The following RABL3 variants were observed in gnomAD, a reference collection of about 807,000 sequenced individuals.
RABL3 encodes RAB, member of RAS oncogene family like 3, also known as rab-like protein 3.
Under a neutral mutation model 31.8 loss-of-function variants are expected in RABL3, and 31 were observed. The ratio of observed to expected loss-of-function variants is 0.97; its 90% confidence interval spans 0.73 to 1.31. The LOEUF (loss-of-function observed/expected upper bound fraction) is 1.31, where lower values mean the gene tolerates loss of function less well. RABL3 is among the 40% of genes most tolerant of loss of function. The pLI is 0.00. For missense variants in RABL3, 263 were observed against 279.6 expected, an observed-to-expected ratio of 0.94 and a Z score of 0.42; for synonymous variants, 97 against 99.9, an observed-to-expected ratio of 0.97 and a Z score of 0.18.
chr3:120,703,346 T>A (rs1178972775), intron 4 of RABL3, among the ~76,000 whole-genome samples: 2 of 152,090 alleles, frequency 1.3e-5, no homozygotes, highest in Non-Finnish European at 2.9e-5. Context: ...CTAAACAGCC[T>A]ATGGGAAAAT....
At chr3:120,716,611 A>G (rs996760898) in intron 2 of RABL3, among the ~76,000 whole-genome samples, 1 of 151,692 alleles carries the variant, frequency 6.6e-6, no homozygotes, top group African/African-American at 2.4e-5. Flanking sequence ...AACTTAAAGT[A>G]TAATAATAAT....
At chr3:120,733,758 T>C (rs1055011074) in intron 1 of RABL3, among the ~76,000 whole-genome samples, 1 of 152,208 alleles carries the variant, frequency 6.6e-6, no homozygotes, top group Non-Finnish European at 1.5e-5. Flanking sequence ...GGATCCAGTT[T>C]CAGCTTTCTA....
intron 2 of RABL3, among the ~76,000 whole-genome samples, chr3:120,728,694 A>C (rs1269988050): frequency 6.6e-6 from 1 of 152,160 alleles, no homozygotes; most frequent in African/African-American, 2.4e-5. Flanking sequence ...CTAAAACTTA[A>C]AGTATAATAA....
At chr3:120,739,651 T>C (rs112082217) in intron 1 of RABL3, among the ~76,000 whole-genome samples, 10 of 152,326 alleles carry the variant, frequency 6.6e-5, no homozygotes, top group African/African-American at 2.4e-4. Flanking sequence ...TTTTTTTATA[T>C]AGAAACATTT....
chr3:120,708,134 A>T (rs1188456651), intron 3 of RABL3, among the ~76,000 whole-genome samples: 1 of 152,076 alleles, frequency 6.6e-6, no homozygotes, highest in East Asian at 1.9e-4. Flanking sequence ...TGGAATAAAG[A>T]ACTTTGAGTG....
chr3:120,689,083 C>T lies in RABL3; in HGVS notation c.*740G>A, dbSNP rs977354651. On this transcript the variant is annotated 3_prime_UTR_variant, in exon 8 of 8. Transcript: ENST00000273375. ...ACCCTACCTATTTCCAAACAGAAAA[C>T]CTAGACTGTATATAGCAGCAACCTT... 6.6e-6 allele frequency: 1 copy of T among 152,148 alleles called. No homozygotes were observed. Among genetic ancestry groups the T allele is most frequent in the African/African-American group, 2.4e-5 (1 of 41,442 alleles). The allele number at this position is 152,148 out of a possible 1,614,324, so 9.4% of individuals were successfully genotyped here.
chr3:120,725,966 A>C (rs1029553855), intron 2 of RABL3, among the ~76,000 whole-genome samples: 3 of 152,170 alleles, frequency 2.0e-5, no homozygotes, highest in Non-Finnish European at 4.4e-5. Flanking sequence ...TAAAGAAAAA[A>C]ACTAAATTAA....
chr3:120,714,614 T>C (rs1264456123), intron 2 of RABL3, among the ~76,000 whole-genome samples: 1 of 152,232 alleles, frequency 6.6e-6, no homozygotes, highest in East Asian at 1.9e-4. Context: ...TCTGTCTCTA[T>C]TTCCTCTCTG....
chr3:120,720,420 G>T (rs868573625), intron 2 of RABL3, among the ~76,000 whole-genome samples: 3 of 152,294 alleles, frequency 2.0e-5, no homozygotes, highest in Middle Eastern at 3.4e-3. Context: ...CCAAGGCAAA[G>T]AAGTTAAAAA....
At position 120,719,915 on chromosome 3, in the gene RABL3, C is replaced by A. The variant is rs144924461; in HGVS notation, c.139-10006G>T. Among the ~76,000 whole-genome samples the A allele has an allele frequency of 1.3e-4, 20 of 152,346 alleles. No homozygotes were observed. The East Asian group carries it at 3.9e-3, about 29-fold the overall frequency. On this transcript the variant is annotated intron_variant, in intron 2 of 7. Coordinates refer to ENST00000273375, the MANE Select transcript of RABL3 (RefSeq NM_173825.5). ...AAGTGGGTCCCTGACCCCCGAGTAG[C>A]CTAACTGAGAGACACCCCCCAGTAG...
chr3:120,695,922 C>T (rs546085353), intron 5 of RABL3, among the ~76,000 whole-genome samples: 1 of 152,214 alleles, frequency 6.6e-6, no homozygotes, highest in East Asian at 1.9e-4. Flanking sequence ...TAGAGAAACA[C>T]TATGATTTTT....
At position 120,694,097 on chromosome 3, in the gene RABL3, T is replaced by G. The variant is rs111569489; in HGVS notation, c.606+56A>C. The G allele has an allele frequency of 2.4e-3, 2,878 of 1,187,120 alleles. 55 individuals carry two copies. The African/African-American group carries it at 0.041, about 17-fold the overall frequency. The allele number at this position is 1,187,120 out of a possible 1,614,324, so 73.5% of individuals were successfully genotyped here. A position where few individuals can be genotyped will look rare whatever the true frequency, so the allele number is the denominator to read the frequency against. On this transcript the variant is annotated intron_variant, in intron 6 of 7. Transcript: ENST00000273375. Reference sequence around the variant, plus strand: ...GGTCATAGGATTCTACAAAAAAATTTTAAACTCTCATAATATATAAATTAA... The same window carrying G: ...GGTCATAGGATTCTACAAAAAAATTGTAAACTCTCATAATATATAAATTAA...
intron 2 of RABL3, among the ~76,000 whole-genome samples, chr3:120,719,461 G>T (rs775207117): frequency 6.6e-6 from 1 of 152,204 alleles, no homozygotes; most frequent in Non-Finnish European, 1.5e-5. Flanking sequence ...CAAGGGAAGC[G>T]GTGACAGATG....
At chr3:120,728,249 C>T (rs754054602) in intron 2 of RABL3, among the ~76,000 whole-genome samples, 5 of 152,110 alleles carry the variant, frequency 3.3e-5, no homozygotes, top group Non-Finnish European at 7.4e-5. Context: ...CCATAACTTC[C>T]CATTTATTAA....
At chr3:120,715,174 C>T (rs1708653846) in intron 2 of RABL3, among the ~76,000 whole-genome samples, 1 of 152,202 alleles carries the variant, frequency 6.6e-6, no homozygotes, top group South Asian at 2.1e-4. Flanking sequence ...TTTACACTTA[C>T]TTTCTTGAAC....
chr3:120,720,684 G>A (rs558108509), intron 2 of RABL3, among the ~76,000 whole-genome samples: 9 of 152,308 alleles, frequency 5.9e-5, no homozygotes, highest in East Asian at 1.9e-4. Context: ...ATGGGACTAC[G>A]TGAAAAGACC....
At chr3:120,698,047 C>T (rs1431673744) in intron 5 of RABL3, among the ~76,000 whole-genome samples, 4 of 152,070 alleles carry the variant, frequency 2.6e-5, no homozygotes, top group Admixed American at 1.3e-4. Context: ...GCCTGTAATC[C>T]CAGCTACTCA....
chr3:120,716,884 C>G (rs945022155), intron 2 of RABL3, among the ~76,000 whole-genome samples: 1 of 152,188 alleles, frequency 6.6e-6, no homozygotes, highest in African/African-American at 2.4e-5. Context: ...ATTTACATGT[C>G]CATGACAACT....
At chr3:120,742,227 C>A (rs867478815) in intron 1 of RABL3, among the ~76,000 whole-genome samples, 9 of 149,680 alleles carry the variant, frequency 6.0e-5, no homozygotes, top group Middle Eastern at 3.5e-3. Context: ...GAGACCGATG[C>A]GGAAAGCCGC....
Sources: allele counts gnomAD v4.1 joint callset (sites outside exome capture counted in the v4.1 genomes callset), GRCh38; gene constraint gnomAD v4.1.1; transcripts MANE v1.5; gene names NCBI Gene and HGNC (gene_info 2026-07-23, HGNC 2026-07-21).